ICAM2: variants seen among roughly 807,000 people sequenced by gnomAD.
The protein encoded by ICAM2 is intercellular adhesion molecule 2.
ICAM2 carries 14 observed loss-of-function variants against 19.1 expected under a neutral mutation model. The ratio of observed to expected loss-of-function variants is 0.73; its 90% CI spans 0.48 to 1.15. The LOEUF (loss-of-function observed/expected upper bound fraction) is 1.15. ICAM2 is among the 50% of genes most tolerant of loss of function. The pLI, the probability that ICAM2 is intolerant of heterozygous loss-of-function variation, is 0.00. For missense variants in ICAM2, 311 were observed against 355.4 expected, an observed-to-expected ratio of 0.88 and a Z score of 1.00; for synonymous variants, 153 against 152.7, an observed-to-expected ratio of 1.00 and a Z score of -0.01.
At chr17:64,004,026 CT>C (rs1174931617) in intron 3 of ICAM2, 62 bp from the exon 4 acceptor site, 8 of 1,278,890 alleles carry the variant, frequency 6.3e-6, no homozygotes, top group Non-Finnish European at 8.6e-6. Context: ...CAGCCTCCCC[CT>C]GGCCAGGGCC....
rs1429964950 is a variant in ICAM2 at position 64,013,729 on chromosome 17, A to C, written c.-45+6794T>G. Among the ~76,000 whole-genome samples, 3 of 152,284 alleles carry C rather than the reference A, an allele frequency of 2.0e-5. No homozygotes were observed. The East Asian group carries it at 5.8e-4, about 29-fold the overall frequency. On this transcript the variant is annotated intron_variant, in intron 1 of 4. Transcript: ENST00000579788. ...GGGATAGAGTGAGTACCTAGAATAA[A>C]GGGTCAATTCACCAGGAAGTTACAA...
chr17:64,014,757 G>T (rs1055820002), intron 1 of ICAM2, among the ~76,000 whole-genome samples: 1 of 142,270 alleles, frequency 7.0e-6, no homozygotes, highest in Non-Finnish European at 1.6e-5. Context: ...AAGAAAGAAA[G>T]AAAGAAAGAA....
chr17:64,014,182 A>G (rs943073429), intron 1 of ICAM2, among the ~76,000 whole-genome samples: 3 of 151,728 alleles, frequency 2.0e-5, no homozygotes, highest in South Asian at 4.1e-4. Flanking sequence ...TGTATTAGAA[A>G]AGAACTCTGG....
intron 1 of ICAM2, among the ~76,000 whole-genome samples, chr17:64,014,282 TG>T (rs1485847770): frequency 2.2e-5 from 3 of 135,466 alleles, no homozygotes; most frequent in Non-Finnish European, 4.6e-5. Context: ...GAGACAGGCC[TG>T]GGCAACATGG....
At chr17:64,003,013 G>C in intron 4 of ICAM2, 88 bp from the exon 5 acceptor site, 1 of 1,208,622 alleles carries the variant, frequency 8.3e-7, no homozygotes, top group Non-Finnish European at 1.2e-6. Context: ...CCCCAACCCA[G>C]ACCCCCAGAC....
intron 4 of ICAM2, 115 bp from the exon 5 acceptor site, chr17:64,003,040 G>A: frequency 1.3e-6 from 1 of 778,644 alleles, no homozygotes; most frequent in Non-Finnish European, 2.1e-6. Flanking sequence ...GCCCGCTCAT[G>A]CATCCAGCAG....
chr17:64,017,526 A>G (rs1297596374), intron 1 of ICAM2, among the ~76,000 whole-genome samples: 1 of 152,202 alleles, frequency 6.6e-6, no homozygotes, highest in Non-Finnish European at 1.5e-5. Context: ...ATTATTCTGT[A>G]ACTGATCTAT....
intron 1 of ICAM2, among the ~76,000 whole-genome samples, chr17:64,015,130 G>T (rs1911673364): frequency 6.6e-6 from 1 of 152,168 alleles, no homozygotes; most frequent in African/African-American, 2.4e-5. Context: ...GAGGGGAAAT[G>T]AGAGTCCTTT....
At chr17:64,013,320 A>C (rs1480833559) in intron 1 of ICAM2, among the ~76,000 whole-genome samples, 3 of 151,964 alleles carry the variant, frequency 2.0e-5, no homozygotes, top group Admixed American at 2.0e-4. Flanking sequence ...TCAAGAAATA[A>C]AAAAATACAA....
At chr17:64,014,391 G>A (rs1232518965) in intron 1 of ICAM2, among the ~76,000 whole-genome samples, 2 of 70,528 alleles carry the variant, frequency 2.8e-5, no homozygotes, top group Non-Finnish European at 6.9e-5. Flanking sequence ...AAGGAAGGAA[G>A]GAAGGAAGGA....
Position 64,006,770 on chromosome 17 carries a change from G to A in ICAM2, c.-44-35C>T, listed in dbSNP as rs957679470. The A allele has an allele frequency of 1.5e-5, 20 of 1,292,904 alleles. No homozygotes were observed. The African/African-American group carries it at 2.2e-4, about 14-fold the overall frequency. The allele number at this position is 1,292,904 out of a possible 1,614,324, so 80.1% of individuals were successfully genotyped here. On this transcript the variant is annotated intron_variant, in intron 1 of 4. Coordinates refer to ENST00000579788, the MANE Select transcript of ICAM2 (RefSeq NM_001099789.2). ...GATGGTGGGCGCAGGTCTGAGCTAT[G>A]GCCCAGAATCCCTAGCCTTCTGCAA...
chr17:64,015,011 G>A (rs1911666871), intron 1 of ICAM2, among the ~76,000 whole-genome samples: 1 of 152,126 alleles, frequency 6.6e-6, no homozygotes, highest in Non-Finnish European at 1.5e-5. Context: ...AAGAAGGCAT[G>A]CGTAAACATG....
chr17:64,002,747 C>A lies in ICAM2; in HGVS notation c.828G>T (p.Ter276TyrextTer3). Reference sequence around the variant, plus strand: ...GTGGTGGCCATGCCACTCATGGTTGCTATGGCCGGAAGGCCTGGGGCAGCC... The same window carrying A: ...GTGGTGGCCATGCCACTCATGGTTGATATGGCCGGAAGGCCTGGGGCAGCC... Reference protein sequence around the residue: ...WRRLPQAFRP* With the variant: ...WRRLPQAFRPY The change falls in exon 5 of 5, where the codon TAG becomes TAT. Residue 276 changes from the stop codon to tyrosine (Y), a stop_lost. Coordinates refer to ENST00000579788, the MANE Select transcript of ICAM2 (RefSeq NM_001099789.2). 6.2e-7 allele frequency: 1 copy of A among 1,610,428 alleles called. No homozygotes were observed. The highest frequency in any genetic ancestry group is 8.5e-7 in the Non-Finnish European group (1 of 1,179,336).
intron 3 of ICAM2, 57 bp from the exon 4 acceptor site, chr17:64,004,021 TC>T: frequency 7.4e-7 from 1 of 1,344,106 alleles, no homozygotes; most frequent in South Asian, 1.4e-5. Flanking sequence ...CCCAGCAGCC[TC>T]CCCCTGGCCA....
intron 1 of ICAM2, chr17:64,007,854 G>A (rs1911283199): frequency 6.6e-6 from 1 of 152,222 alleles, no homozygotes; most frequent in Non-Finnish European, 1.5e-5. Context: ...CAGTGAGCAG[G>A]TAAGGGAGGG....
chr17:64,018,936 C>T (rs1033072761), intron 1 of ICAM2, among the ~76,000 whole-genome samples: 1 of 151,636 alleles, frequency 6.6e-6, no homozygotes, highest in African/African-American at 2.4e-5. Flanking sequence ...TGGCCAGGAC[C>T]GTCTCTATCT....
chr17:64,004,147 T>C, intron 3 of ICAM2, 183 bp from the exon 4 acceptor site: 1 of 576,858 alleles, frequency 1.7e-6, no homozygotes, highest in Non-Finnish European at 3.1e-6. Context: ...TGTGTGGTAG[T>C]TTTACAGACA....
intron 1 of ICAM2, among the ~76,000 whole-genome samples, chr17:64,018,645 C>G (rs568021060): frequency 2.0e-5 from 3 of 151,020 alleles, no homozygotes; most frequent in Non-Finnish European, 4.4e-5. Flanking sequence ...CTCACAGTTC[C>G]ATTCTTAGAT....
At position 64,002,788 on chromosome 17, in the gene ICAM2, G is replaced by T. The variant is rs780687362; in HGVS notation, c.787C>A (p.Arg263=). 1 of 1,613,336 alleles carries T rather than the reference G, an allele frequency of 6.2e-7. No individual in the cohort carries two copies. Among genetic ancestry groups the T allele is most frequent in the Non-Finnish European group, 8.5e-7 (1 of 1,179,966 alleles). The change falls in exon 5 of 5, where the codon CGA becomes AGA. Residue 263 remains arginine, a synonymous_variant. Coordinates refer to ENST00000579788, the MANE Select transcript of ICAM2 (RefSeq NM_001099789.2). The part of the protein sequence containing the change: ...RQQRMGTYGV[R]AAWRRLPQAF... ...TGGGGCAGCCTCCTCCAAGCCGCTC[G>T]CACCCCGTAGGTGCCCATCCGCTGC...
Sources: gnomAD v4.1 joint callset for allele counts (sites outside exome capture counted in the v4.1 genomes callset) on GRCh38, gnomAD v4.1.1 for gene constraint, MANE v1.5 for transcripts, NCBI Gene and HGNC (gene_info 2026-07-23, HGNC 2026-07-21) for gene names.